SENP6: variants seen among roughly 807,000 people sequenced by gnomAD.
The protein encoded by SENP6 is sentrin-specific protease 6.
In SENP6, 41 loss-of-function variants were observed where a neutral mutation model predicts 134.5. The ratio of observed to expected loss-of-function variants is 0.30; its 90% confidence interval spans 0.24 to 0.40. The LOEUF is 0.40. Among genes scored for constraint, SENP6 ranks in the 10% least tolerant of loss-of-function variants. The pLI, the probability that SENP6 is intolerant of heterozygous loss-of-function variation, is 1.00. For missense variants in SENP6, 1,248 were observed against 1,312.5 expected (o/e 0.95, Z 0.76); for synonymous variants, 395 against 429.8 (o/e 0.92, Z 1.00).
Position 75,695,826 on chromosome 6 carries a change from A to C in SENP6, c.2098A>C (p.Lys700Gln). The C allele has an allele frequency of 6.3e-7, 1 of 1,596,808 alleles. No individual in the cohort carries two copies. The highest frequency in any genetic ancestry group is 8.5e-7 in the Non-Finnish European group (1 of 1,172,468). Residue 700 changes from lysine to glutamine, a missense_variant, in exon 17 of 24, where the codon AAG (lysine) becomes CAG (glutamine). Around this residue, in one of 3 missense-constraint regions of SENP6, gnomAD observed 129 missense variants for 192.0 expected, o/e 0.67. Coordinates refer to ENST00000447266, the MANE Select transcript of SENP6 (RefSeq NM_015571.4). ...TAGATACTTGGTGCTTGAAAAACTG[A>C]AGAAGGAAGACGCTGACCGAATTCA... ...YLKYLVLEKL[K>Q]KEDADRIHIF...
chr6:75,660,822 C>T (rs138721496), intron 8 of SENP6, among the ~76,000 whole-genome samples: 2 of 151,996 alleles, frequency 1.3e-5, no homozygotes, highest in African/African-American at 2.4e-5. Context: ...GTAGAGATGG[C>T]GTTTCACCAT....
At chr6:75,669,123 G>A (rs559172315) in intron 10 of SENP6, among the ~76,000 whole-genome samples, 5 of 152,294 alleles carry the variant, frequency 3.3e-5, no homozygotes, top group African/African-American at 9.6e-5. Flanking sequence ...ACTGAGGTGG[G>A]CAGATTGCCT....
chr6:75,713,719 G>T lies in SENP6; in HGVS notation c.3023G>T (p.Ser1008Ile), dbSNP rs1414432627. 6.2e-7 allele frequency: 1 copy of T among 1,613,138 alleles called. No individual in the cohort carries two copies. The highest frequency in any genetic ancestry group is 1.7e-5 in the Admixed American group (1 of 59,916). Residue 1008 changes from serine to isoleucine, a missense_variant, in exon 23 of 24, where the codon AGT becomes ATT. Ser to Ile is a moderately radical substitution (Grantham distance 142, BLOSUM62 -2). Transcript: ENST00000447266. Reference sequence around the variant, plus strand: ...GAAGTTAAAAAAGGAAGCAAAAGAAGTTTTTCCAAAGATGTTATGAAGGGC... The same window carrying T: ...GAAGTTAAAAAAGGAAGCAAAAGAATTTTTTCCAAAGATGTTATGAAGGGC... ...EWEVKKGSKR[S>I]FSKDVMKGSN...
At chr6:75,618,040 A>G (rs979695482) in intron 1 of SENP6, among the ~76,000 whole-genome samples, 1 of 152,226 alleles carries the variant, frequency 6.6e-6, no homozygotes, top group Non-Finnish European at 1.5e-5. Context: ...ACATATCACT[A>G]TGAATGTTAA....
intron 16 of SENP6, among the ~76,000 whole-genome samples, chr6:75,685,966 CGTT>C (rs1773813078): frequency 6.6e-6 from 1 of 152,078 alleles, no homozygotes; most frequent in Non-Finnish European, 1.5e-5. Context: ...CTTTCTGTCT[CGTT>C]GATCTGTCTA....
At chr6:75,624,066 T>G in intron 3 of SENP6, 106 bp downstream of exon 3, 1 of 815,888 alleles carries the variant, frequency 1.2e-6, no homozygotes, top group Non-Finnish European at 1.9e-6. Flanking sequence ...ACCCACTTTC[T>G]CCACTCCAGA....
intron 8 of SENP6, among the ~76,000 whole-genome samples, chr6:75,661,324 T>G (rs1239258462): frequency 6.6e-6 from 1 of 152,214 alleles, no homozygotes; most frequent in Non-Finnish European, 1.5e-5. Flanking sequence ...CATGCCAACC[T>G]AAGTTTGGCT....
In SENP6 at chr6:75,614,326, C is replaced by T. The variant is rs777807901; in HGVS notation, c.53-7206C>T. ...TGTCACCCAGGCTGGAGTGCTGTGG[C>T]GCATTCTCAGCTCACTGCAACCTCT... On this transcript the variant is annotated intron_variant, in intron 1 of 23. Transcript: ENST00000447266. Among the ~76,000 whole-genome samples, 69 of 148,404 alleles carry T rather than the reference C, an allele frequency of 4.6e-4. 1 individual carries two copies. The highest frequency in any genetic ancestry group is 1.8e-4 in the Non-Finnish European group (12 of 67,634).
At chr6:75,679,006 G>A (rs1411947690) in intron 16 of SENP6, 79 bp downstream of exon 16, 6 of 727,258 alleles carry the variant, frequency 8.3e-6, no homozygotes, top group African/African-American at 1.8e-5. Flanking sequence ...CCAGAGTCAG[G>A]CTTTTTGAGT....
chr6:75,692,893 A>G (rs767867966), intron 16 of SENP6, among the ~76,000 whole-genome samples: 22 of 151,660 alleles, frequency 1.5e-4, no homozygotes, highest in Non-Finnish European at 2.6e-4. Context: ...GCGAAACCCC[A>G]TGTTTACCCC....
chr6:75,604,794 CAGGCGTGGTGGCTCACGCCTGT>C (rs1247324401), intron 1 of SENP6, among the ~76,000 whole-genome samples: 3 of 152,078 alleles, frequency 2.0e-5, no homozygotes, highest in Non-Finnish European at 4.4e-5. Context: ...ATATTCCGGC[CAGGCGTGGTGGCTCACGCCTGT>C]AATCCCAACA....
chr6:75,707,688 AT>A (rs1333265844), intron 19 of SENP6, among the ~76,000 whole-genome samples: 1 of 151,126 alleles, frequency 6.6e-6, no homozygotes, highest in Non-Finnish European at 1.5e-5. Flanking sequence ...GTGGTGGTGG[AT>A]TTTTGTTCTT....
intron 16 of SENP6, among the ~76,000 whole-genome samples, chr6:75,685,062 A>G (rs188734828): frequency 5.3e-4 from 81 of 152,194 alleles, no homozygotes; most frequent in African/African-American, 1.8e-3. Flanking sequence ...ATTAATTATT[A>G]CCTCAATTTC....
chr6:75,651,502 T>G (rs1004780012), intron 7 of SENP6, among the ~76,000 whole-genome samples: 2 of 152,132 alleles, frequency 1.3e-5, no homozygotes, highest in Non-Finnish European at 2.9e-5. Flanking sequence ...AGGCGCATGC[T>G]GCCACATCCA....
At position 75,718,268 on chromosome 6, in the gene SENP6, A is replaced by G. The variant is rs966244711; in HGVS notation, c.*2674A>G. On this transcript the variant is annotated 3_prime_UTR_variant, in exon 24 of 24. Coordinates refer to ENST00000447266, the MANE Select transcript of SENP6 (RefSeq NM_015571.4). ...ACTGAACAGGAATAATAAAGAACATATTTTAATATATAATATGACCAAGAG... is the reference window on the plus strand; with the variant it reads ...ACTGAACAGGAATAATAAAGAACATGTTTTAATATATAATATGACCAAGAG... The G allele has an allele frequency of 6.6e-6, 1 of 152,202 alleles. No individual in the cohort carries two copies. Among genetic ancestry groups the G allele is most frequent in the Non-Finnish European group, 1.5e-5 (1 of 68,026 alleles). 9.4% of individuals were successfully genotyped at this position (152,202 alleles called of 1,614,324 possible). A position where few individuals can be genotyped will look rare whatever the true frequency, so the allele number is the denominator to read the frequency against.
At position 75,670,739 on chromosome 6, in the gene SENP6, C is replaced by A; in HGVS notation, c.1392+19C>A. The A allele has an allele frequency of 6.8e-7, 1 of 1,461,764 alleles. No homozygotes were observed. Among genetic ancestry groups the A allele is most frequent in the South Asian group, 1.5e-5 (1 of 65,760 alleles). 90.5% of individuals were successfully genotyped at this position (1,461,764 alleles called of 1,614,324 possible). On this transcript the variant is annotated intron_variant, in intron 11 of 23. Coordinates refer to ENST00000447266, the MANE Select transcript of SENP6 (RefSeq NM_015571.4). ...TGTAATTGTAAGTACATCTTAAGCT[C>A]TTTACTATACCAATTATAACATTAA...
intron 1 of SENP6, among the ~76,000 whole-genome samples, chr6:75,604,647 A>G (rs1378728641): frequency 6.6e-6 from 1 of 151,958 alleles, no homozygotes; most frequent in African/African-American, 2.4e-5. Flanking sequence ...GCATAAGGAA[A>G]AGGAACAATT....
chr6:75,709,293 A>G (rs1336932183), intron 19 of SENP6, among the ~76,000 whole-genome samples: 1 of 152,150 alleles, frequency 6.6e-6, no homozygotes, highest in Non-Finnish European at 1.5e-5. Flanking sequence ...GCTGATAACT[A>G]GTTTTTAAAT....
chr6:75,692,553 G>A (rs1388607378), intron 16 of SENP6, among the ~76,000 whole-genome samples: 3 of 152,146 alleles, frequency 2.0e-5, no homozygotes, highest in Non-Finnish European at 4.4e-5. Flanking sequence ...TTGAGCCCAG[G>A]AGTTTGAGGT....
Sources: allele counts gnomAD v4.1 joint callset (sites outside exome capture counted in the v4.1 genomes callset), GRCh38; gene constraint gnomAD v4.1.1; regional missense constraint gnomAD v4.1.1; transcripts MANE v1.5; gene names NCBI Gene and HGNC (gene_info 2026-07-23, HGNC 2026-07-21).